Variants in CLCN3 observed in about 807,000 individuals in gnomAD.
CLCN3 encodes the protein H(+)/Cl(-) exchange transporter 3.
A neutral mutation model predicts 83.4 loss-of-function variants in CLCN3; 16 were observed. That is an observed-to-expected ratio of 0.19 (90% confidence interval 0.13 to 0.29). The LOEUF is 0.29. CLCN3 is among the 10% of genes least tolerant of loss of function. The pLI, the probability that CLCN3 is intolerant of heterozygous loss-of-function variation, is 1.00. For synonymous variants in CLCN3, 322 were observed against 346.2 expected, an observed-to-expected ratio of 0.93 and a Z score of 0.78; for missense variants, 544 against 1,006.0, an observed-to-expected ratio of 0.54 and a Z score of 6.21.
intron 2 of CLCN3, among the ~76,000 whole-genome samples, chr4:169,679,119 T>C (rs1478353229): frequency 2.0e-5 from 3 of 148,182 alleles, no homozygotes; most frequent in Non-Finnish European, 1.5e-5. Context: ...GCGGAGGGGC[T>C]CCTCACTTCT....
chr4:169,670,393 T>G (rs1158654393), intron 2 of CLCN3, among the ~76,000 whole-genome samples: 1 of 152,210 alleles, frequency 6.6e-6, no homozygotes, highest in African/African-American at 2.4e-5. Flanking sequence ...CATTACTTGT[T>G]TTTGTCAAGT....
At chr4:169,631,851 C>G (rs1350632489) in intron 1 of CLCN3, among the ~76,000 whole-genome samples, 2 of 152,132 alleles carry the variant, frequency 1.3e-5, no homozygotes, top group African/African-American at 2.4e-5. Context: ...CTGGAAACAG[C>G]CTCCCAAGAT....
chr4:169,694,127 C>G (rs1370379279), intron 7 of CLCN3, among the ~76,000 whole-genome samples: 3 of 152,052 alleles, frequency 2.0e-5, no homozygotes, highest in African/African-American at 4.8e-5. Context: ...AAATTTGCTC[C>G]CTTTCCTCCC....
intron 1 of CLCN3, among the ~76,000 whole-genome samples, chr4:169,635,578 A>AG (rs1410189795): frequency 1.3e-5 from 2 of 152,160 alleles, no homozygotes; most frequent in Non-Finnish European, 2.9e-5. Context: ...CTTGTACTTC[A>AG]GCCATCTTGT....
At chr4:169,701,428 A>T (rs1352854444) in intron 9 of CLCN3, among the ~76,000 whole-genome samples, 1 of 151,718 alleles carries the variant, frequency 6.6e-6, no homozygotes, top group East Asian at 1.9e-4. Flanking sequence ...CTTCTTCCAA[A>T]CTCCTGTTAA....
chr4:169,705,016 C>T lies in CLCN3; in HGVS notation c.1750+832C>T, dbSNP rs1329551032. On this transcript the variant is annotated intron_variant, in intron 10 of 12. Transcript: ENST00000513761. ...TACAAAAAGAACATGGACCCAATCT[C>T]GACTCTAATCAAGTTGAGGAGACAA... is the stretch of plus-strand genomic sequence containing the variant. Among the ~76,000 whole-genome samples the T allele has an allele frequency of 2.6e-5, 4 of 152,132 alleles. No homozygotes were observed. The East Asian group carries it at 7.7e-4, about 29-fold the overall frequency.
intron 2 of CLCN3, among the ~76,000 whole-genome samples, chr4:169,656,261 G>A (rs531088993): frequency 6.6e-6 from 1 of 152,312 alleles, no homozygotes; most frequent in South Asian, 2.1e-4. Context: ...AGTTCTGCAC[G>A]CTGTACGCGA....
chr4:169,662,853 G>T (rs921764069), intron 2 of CLCN3: 3 of 151,970 alleles, frequency 2.0e-5, no homozygotes, highest in African/African-American at 7.2e-5. Context: ...CATCTTTAGG[G>T]GTAGATTTCC....
chr4:169,697,787 A>G (rs1732624428), intron 9 of CLCN3, 53 bp downstream of exon 9: 7 of 1,170,080 alleles, frequency 6.0e-6, no homozygotes, highest in South Asian at 2.9e-5. Flanking sequence ...TTCAAAACTT[A>G]TATGTGGAAT....
rs775791470 is a variant in CLCN3 at position 169,692,250 on chromosome 4, C to T, written c.866C>T (p.Ala289Val). The part of the protein sequence containing the change: ...LGKEGPLVHV[A>V]CCCGNIFSYL... ...AAAGAAGGTCCCCTGGTACATGTTG[C>T]CTGTTGCTGCGGAAATATCTTTTCC... The change falls in exon 7 of 13, where the codon GCC (alanine) becomes GTC (valine). Residue 289 changes from alanine (A) to valine (V), a missense_variant. By Grantham distance (64) the Ala-to-Val change is moderately conservative. Transcript: ENST00000513761. 3 of 1,613,472 alleles carry T rather than the reference C, an allele frequency of 1.9e-6. No homozygotes were observed. The highest frequency in any genetic ancestry group is 1.7e-6 in the Non-Finnish European group (2 of 1,179,534).
chr4:169,715,708 T>C (rs1190741930), intron 12 of CLCN3, among the ~76,000 whole-genome samples: 2 of 152,094 alleles, frequency 1.3e-5, no homozygotes, highest in Non-Finnish European at 2.9e-5. Context: ...TGTTTGTAAA[T>C]TATAAAAATT....
At chr4:169,623,869 G>A (rs1221701217) in intron 1 of CLCN3, among the ~76,000 whole-genome samples, 1 of 151,904 alleles carries the variant, frequency 6.6e-6, no homozygotes, top group African/African-American at 2.4e-5. Flanking sequence ...AGGCTGTATG[G>A]TATTCCATTC....
chr4:169,662,331 T>C (rs1329105969), intron 2 of CLCN3, among the ~76,000 whole-genome samples: 1 of 152,198 alleles, frequency 6.6e-6, no homozygotes, highest in Non-Finnish European at 1.5e-5. Flanking sequence ...ATTGTGTATG[T>C]GTAGTAGAGA....
At chr4:169,632,366 A>G (rs919600301) in intron 1 of CLCN3, among the ~76,000 whole-genome samples, 1 of 152,254 alleles carries the variant, frequency 6.6e-6, no homozygotes, top group South Asian at 2.1e-4. Context: ...GCTCAACATC[A>G]CTAATGATTA....
intron 4 of CLCN3, 37 bp from the exon 5 acceptor site, chr4:169,689,006 A>T: frequency 1.3e-6 from 2 of 1,591,106 alleles, no homozygotes; most frequent in Non-Finnish European, 8.5e-7. Context: ...CAAAAAATTG[A>T]CTTAATTTTT....
intron 3 of CLCN3, among the ~76,000 whole-genome samples, chr4:169,682,895 C>A (rs894061158): frequency 6.6e-6 from 1 of 152,148 alleles, no homozygotes; most frequent in East Asian, 1.9e-4. Context: ...GAAAAAGGCA[C>A]ATAATGTCTT....
chr4:169,640,549 A>G (rs147252126), intron 2 of CLCN3, among the ~76,000 whole-genome samples: 3 of 152,332 alleles, frequency 2.0e-5, no homozygotes, highest in South Asian at 4.1e-4. Context: ...AAAAAGCTGA[A>G]AAAGTAGGCC....
chr4:169,648,480 A>G (rs1730636660), intron 2 of CLCN3, among the ~76,000 whole-genome samples: 1 of 152,242 alleles, frequency 6.6e-6, no homozygotes, highest in African/African-American at 2.4e-5. Flanking sequence ...AAAACTACCC[A>G]TAATCCTACC....
At chr4:169,658,350 C>G (rs1730947513) in intron 2 of CLCN3, among the ~76,000 whole-genome samples, 1 of 151,866 alleles carries the variant, frequency 6.6e-6, no homozygotes, top group South Asian at 2.1e-4. Flanking sequence ...GAGGATTTCC[C>G]CCATCAGTGA....
Sources: gnomAD v4.1 joint callset for allele counts (sites outside exome capture counted in the v4.1 genomes callset) on GRCh38, gnomAD v4.1.1 for gene constraint, MANE v1.5 for transcripts, NCBI Gene and HGNC (gene_info 2026-07-23, HGNC 2026-07-21) for gene names.